Variants in CDH19 observed in about 807,000 individuals in gnomAD.
CDH19 encodes the protein cadherin-19.
Under a neutral mutation model 64.2 loss-of-function variants are expected in CDH19, and 67 were observed. The ratio of observed to expected loss-of-function variants is 1.04; its 90% CI spans 0.86 to 1.28. The LOEUF (loss-of-function observed/expected upper bound fraction) is 1.28. Among genes scored for constraint, CDH19 ranks in the 50% most tolerant of loss-of-function variants. CDH19 has a pLI of 0.00. For synonymous variants in CDH19, 346 were observed against 319.3 expected, an observed-to-expected ratio of 1.08 and a Z score of -0.89; for missense variants, 1,030 against 929.0, an observed-to-expected ratio of 1.11 and a Z score of -1.41.
At position 66,587,268 on chromosome 18, in the gene CDH19, C is replaced by T. The variant is rs77371241; in HGVS notation, c.-112-14952G>A. 4.0e-3 allele frequency among the ~76,000 whole-genome samples: 615 copies of T among 152,192 alleles called. 4 individuals are homozygous for T. The highest frequency in any genetic ancestry group is 0.014 in the African/African-American group (579 of 41,552). ...GGAGTGTCAAATGAGAGTTGGGAAA[C>T]GCAGAGGTTAAGATACCTTCAAAAA... is the stretch of plus-strand genomic sequence containing the variant. On this transcript the variant is annotated intron_variant, in intron 1 of 11. Coordinates refer to ENST00000262150, the MANE Select transcript of CDH19 (RefSeq NM_021153.4).
At chr18:66,538,450 T>G (rs1490678403) in intron 7 of CDH19, among the ~76,000 whole-genome samples, 1 of 152,096 alleles carries the variant, frequency 6.6e-6, no homozygotes, top group Non-Finnish European at 1.5e-5. Flanking sequence ...TTTATCACCC[T>G]CCTTTCCTTT....
intron 3 of CDH19, among the ~76,000 whole-genome samples, chr18:66,556,414 C>T (rs1408984360): frequency 6.6e-6 from 1 of 151,682 alleles, no homozygotes; most frequent in African/African-American, 2.4e-5. Flanking sequence ...CTTTGACTTA[C>T]ATACCTCCAT....
At chr18:66,570,215 T>C (rs186973515) in intron 2 of CDH19, among the ~76,000 whole-genome samples, 2 of 151,682 alleles carry the variant, frequency 1.3e-5, no homozygotes, top group East Asian at 1.9e-4. Flanking sequence ...TGAAGATAAA[T>C]TAAGTTTAGT....
intron 3 of CDH19, among the ~76,000 whole-genome samples, chr18:66,562,882 T>C (rs1483696415): frequency 7.2e-5 from 11 of 152,098 alleles, no homozygotes; most frequent in Non-Finnish European, 4.4e-5. Flanking sequence ...ACATCAGATG[T>C]ATTCTGCCAT....
At chr18:66,515,828 A>T (rs1419954246) in intron 9 of CDH19, among the ~76,000 whole-genome samples, 1 of 151,882 alleles carries the variant, frequency 6.6e-6, no homozygotes, top group African/African-American at 2.4e-5. Flanking sequence ...TTAGTATCTT[A>T]AATGTATCCA....
chr18:66,594,681 A>T (rs923834922), intron 1 of CDH19, among the ~76,000 whole-genome samples: 15 of 151,896 alleles, frequency 9.9e-5, no homozygotes, highest in Non-Finnish European at 1.5e-4. Flanking sequence ...AGCCATAAAA[A>T]ATTATGAGTT....
intron 8 of CDH19, among the ~76,000 whole-genome samples, chr18:66,530,476 T>G (rs2144418043): frequency 6.6e-6 from 1 of 152,126 alleles, no homozygotes; most frequent in South Asian, 2.1e-4. Context: ...GGGCGTAGCT[T>G]TTAAAAACAA....
intron 9 of CDH19, among the ~76,000 whole-genome samples, chr18:66,526,821 A>G (rs1986238407): frequency 6.6e-6 from 1 of 152,104 alleles, no homozygotes; most frequent in East Asian, 1.9e-4. Flanking sequence ...AATCTTCACT[A>G]TTTCATCATT....
intron 9 of CDH19, among the ~76,000 whole-genome samples, chr18:66,512,297 T>C (rs1270067862): frequency 6.6e-6 from 1 of 151,554 alleles, no homozygotes; most frequent in East Asian, 1.9e-4. Flanking sequence ...ACTGCAGACA[T>C]GAACAAATCC....
intron 9 of CDH19, among the ~76,000 whole-genome samples, chr18:66,512,393 A>G (rs1985533043): frequency 6.6e-6 from 1 of 151,598 alleles, no homozygotes; most frequent in Non-Finnish European, 1.5e-5. Context: ...TGTCAAGATC[A>G]CATAGTGAGA....
At chr18:66,541,434 G>A (rs553837074) in intron 7 of CDH19, among the ~76,000 whole-genome samples, 22 of 152,160 alleles carry the variant, frequency 1.4e-4, no homozygotes, top group African/African-American at 5.3e-4. Flanking sequence ...AAATCATTTT[G>A]CATTTTATGT....
Position 66,503,133 on chromosome 18 carries a change from A to G in CDH19, c.*1679T>C, listed in dbSNP as rs1270631514. On this transcript the variant is annotated 3_prime_UTR_variant, in exon 12 of 12. Transcript: ENST00000262150. ...AACCAATTTTAAGAATTTTGTATTC[A>G]CTACTTTCTTCCTGTTCAAACCATA... is the stretch of plus-strand genomic sequence containing the variant. 3 of 151,826 alleles carry G rather than the reference A, an allele frequency of 2.0e-5. No homozygotes were observed. The highest frequency in any genetic ancestry group is 4.4e-5 in the Non-Finnish European group (3 of 67,818). The allele number at this position is 151,826 out of a possible 1,614,324, so 9.4% of individuals were successfully genotyped here.
chr18:66,567,553 C>T (rs1239974334), intron 3 of CDH19, among the ~76,000 whole-genome samples: 1 of 151,700 alleles, frequency 6.6e-6, no homozygotes, highest in Non-Finnish European at 1.5e-5. Flanking sequence ...AAATTCCTAC[C>T]TGGAATGTTA....
intron 7 of CDH19, among the ~76,000 whole-genome samples, chr18:66,542,772 G>C (rs1986940166): frequency 1.3e-5 from 2 of 152,010 alleles, no homozygotes; most frequent in South Asian, 4.1e-4. Flanking sequence ...GCATTAGATT[G>C]TCATAGGAGC....
intron 9 of CDH19, among the ~76,000 whole-genome samples, chr18:66,528,598 T>C (rs1433492047): frequency 6.6e-6 from 1 of 151,986 alleles, no homozygotes; most frequent in Non-Finnish European, 1.5e-5. Flanking sequence ...TTGATCATTA[T>C]TTCCAGTGAA....
chr18:66,556,384 C>T (rs1466345103), intron 3 of CDH19, among the ~76,000 whole-genome samples: 2 of 151,664 alleles, frequency 1.3e-5, no homozygotes, highest in African/African-American at 4.8e-5. Context: ...GTTTATCTTA[C>T]TTATCTGATA....
At chr18:66,594,155 A>G (rs1988818026) in intron 1 of CDH19, among the ~76,000 whole-genome samples, 1 of 152,164 alleles carries the variant, frequency 6.6e-6, no homozygotes, top group African/African-American at 2.4e-5. Context: ...CAACTATCAA[A>G]AACGACAAAA....
rs1984988265 is a variant in CDH19 at position 66,502,479 on chromosome 18, T to C, written c.*2333A>G. On this transcript the variant is annotated 3_prime_UTR_variant, in exon 12 of 12. Transcript: ENST00000262150. ...GGCTTTTATTCATACAAAATTTCCG[T>C]CATCTCCAGAAAGCCTTATTTACTT... is the stretch of plus-strand genomic sequence containing the variant. 1 of 152,024 alleles carries C rather than the reference T, an allele frequency of 6.6e-6. No individual in the cohort carries two copies. The highest frequency in any genetic ancestry group is 1.5e-5 in the Non-Finnish European group (1 of 67,946). The allele number at this position is 152,024 out of a possible 1,614,324, so 9.4% of individuals were successfully genotyped here.
chr18:66,594,860 TG>T (rs1206380294), intron 1 of CDH19, among the ~76,000 whole-genome samples: 3 of 56,034 alleles, frequency 5.4e-5, no homozygotes, highest in Non-Finnish European at 9.3e-5. Flanking sequence ...TGTTGTGGGG[TG>T]GGGGGAGGGG....
Sources: allele counts gnomAD v4.1 joint callset (sites outside exome capture counted in the v4.1 genomes callset), GRCh38; gene constraint gnomAD v4.1.1; transcripts MANE v1.5; gene names NCBI Gene and HGNC (gene_info 2026-07-23, HGNC 2026-07-21).